Variants in TACR1 observed in about 807,000 individuals in gnomAD.
TACR1 encodes tachykinin receptor 1.
TACR1 carries 25 observed loss-of-function variants against 35.8 expected under a neutral mutation model. The ratio of observed to expected loss-of-function variants is 0.70; its 90% CI spans 0.51 to 0.98. The LOEUF is 0.98. Among genes scored for constraint, TACR1 ranks in the 50% least tolerant of loss-of-function variants. The pLI, the probability that TACR1 is intolerant of heterozygous loss-of-function variation, is 0.00. For missense variants in TACR1, 478 were observed against 522.9 expected, an observed-to-expected ratio of 0.91 and a Z score of 0.84; for synonymous variants, 195 against 206.7, an observed-to-expected ratio of 0.94 and a Z score of 0.48.
At chr2:75,145,622 G>C (rs920706186) in intron 1 of TACR1, among the ~76,000 whole-genome samples, 5 of 152,188 alleles carry the variant, frequency 3.3e-5, no homozygotes, top group Admixed American at 3.3e-4. Flanking sequence ...ATGGTCATGA[G>C]AGTATATAAT....
intron 1 of TACR1, among the ~76,000 whole-genome samples, chr2:75,136,060 G>A (rs741418): frequency 0.61 from 92,101 of 152,122 alleles, 29,225 homozygotes; most frequent in African/African-American, 0.78. Context: ...TTGCACAGGC[G>A]GAGAAAAGCA....
intron 2 of TACR1, among the ~76,000 whole-genome samples, chr2:75,075,844 G>C (rs779613169): frequency 3.9e-5 from 6 of 152,146 alleles, no homozygotes; most frequent in Non-Finnish European, 8.8e-5. Context: ...GACAAATGAC[G>C]TTAAAGCAAA....
rs1673518744 is a variant in TACR1, at chr2:75,100,672, T to C, written c.584+19902A>G. 2.0e-5 allele frequency among the ~76,000 whole-genome samples: 3 copies of C among 152,230 alleles called. No homozygotes were observed. In the South Asian group the frequency reaches 6.2e-4, roughly 32 times the overall value. On this transcript the variant is annotated intron_variant, in intron 2 of 4. Coordinates refer to ENST00000305249, the MANE Select transcript of TACR1 (RefSeq NM_001058.4). ...TTAAGGTGACGAGTGTGATAGGTCATTGTTTTATCTATAGCATAGTACGTA... is the reference window on the plus strand; with the variant it reads ...TTAAGGTGACGAGTGTGATAGGTCACTGTTTTATCTATAGCATAGTACGTA...
In TACR1 at chr2:75,184,670, T is replaced by C. The variant is rs369007956; in HGVS notation, c.389+13876A>G. The stretch of plus-strand genomic sequence containing the variant: ...TTAGAAAAAAAACCAAGGGGAAATA[T>C]TGTATTTTCATTAGCAACCAAAAAA... On this transcript the variant is annotated intron_variant, in intron 1 of 4. Transcript: ENST00000305249. Among the ~76,000 whole-genome samples, 3 of 151,540 alleles carry C rather than the reference T, an allele frequency of 2.0e-5. 1 individual carries two copies. The highest frequency in any genetic ancestry group is 4.2e-4 in the South Asian group (2 of 4,818).
chr2:75,154,208 T>C (rs1348913806), intron 1 of TACR1, among the ~76,000 whole-genome samples: 1 of 152,062 alleles, frequency 6.6e-6, no homozygotes, highest in Non-Finnish European at 1.5e-5. Flanking sequence ...CTCAGGGTCA[T>C]GCTGTTGCTG....
intron 1 of TACR1, among the ~76,000 whole-genome samples, chr2:75,124,408 G>T (rs1248024420): frequency 6.6e-6 from 1 of 152,154 alleles, no homozygotes; most frequent in Non-Finnish European, 1.5e-5. Context: ...GTCCAGTGGG[G>T]CCCTTCTTCC....
At chr2:75,154,450 A>ACACACT (rs1362786009) in intron 1 of TACR1, 11 of 89,126 alleles carry the variant, frequency 1.2e-4, no homozygotes, top group African/African-American at 3.9e-4. Context: ...ACACACACAC[A>ACACACT]CTCTGAAGAA....
chr2:75,120,700 A>T lies in TACR1; in HGVS notation c.458T>A (p.Val153Asp), dbSNP rs779632430. The change falls in exon 2 of 5, where the codon GTC becomes GAC. Residue 153 changes from valine (V) to aspartate (D), a missense_variant. By Grantham distance (152) the Val-to-Asp change is radical. Transcript: ENST00000305249. ...CAGCAGGAGAGCCAGGACCCAGATGACACAGATGACCACTTTGGTGGCTGT... is the reference window on the plus strand; with the variant it reads ...CAGCAGGAGAGCCAGGACCCAGATGTCACAGATGACCACTTTGGTGGCTGT... ...SATATKVVIC[V>D]IWVLALLLAF... is the part of the protein sequence containing the mutation. 1.2e-6 allele frequency: 2 copies of T among 1,614,052 alleles called. No homozygotes were observed. The highest frequency in any genetic ancestry group is 2.2e-5 in the East Asian group (1 of 44,878).
chr2:75,071,255 A>G (rs554821140), intron 2 of TACR1, among the ~76,000 whole-genome samples: 2 of 152,354 alleles, frequency 1.3e-5, no homozygotes, highest in South Asian at 4.1e-4. Flanking sequence ...GAAGGGGCTG[A>G]ATTACAATCA....
chr2:75,190,671 G>T (rs1482646508), intron 1 of TACR1, among the ~76,000 whole-genome samples: 1 of 152,100 alleles, frequency 6.6e-6, no homozygotes, highest in Non-Finnish European at 1.5e-5. Context: ...CTTCTACAAG[G>T]TAAGTTTCAT....
chr2:75,059,413 T>C (rs1027885030), intron 2 of TACR1, among the ~76,000 whole-genome samples: 12 of 152,300 alleles, frequency 7.9e-5, no homozygotes, highest in Middle Eastern at 6.8e-3. Context: ...TTGGTCTTGG[T>C]TGCACATTGG....
At chr2:75,057,032 T>C (rs776746172) in intron 2 of TACR1, among the ~76,000 whole-genome samples, 3 of 152,212 alleles carry the variant, frequency 2.0e-5, no homozygotes, top group Non-Finnish European at 4.4e-5. Flanking sequence ...AATAGATGAA[T>C]GGACAAACAA....
At chr2:75,176,410 C>T (rs558622400) in intron 1 of TACR1, among the ~76,000 whole-genome samples, 13 of 151,802 alleles carry the variant, frequency 8.6e-5, no homozygotes, top group Admixed American at 2.6e-4. Flanking sequence ...GTCTTCTCCA[C>T]GCCAACACTA....
In TACR1 at chr2:75,104,807, G is replaced by C; in HGVS notation, c.584+15767C>G. Among the ~76,000 whole-genome samples the C allele has an allele frequency of 2.0e-5, 3 of 152,118 alleles. 1 individual carries two copies. The highest frequency in any genetic ancestry group is 2.0e-4 in the Admixed American group (3 of 15,280). ...AAATGCTCAGCAGCACTAATCATCA[G>C]GGAAATACAAGTTAAAACCACAATG... On this transcript the variant is annotated intron_variant, in intron 2 of 4. Coordinates refer to ENST00000305249, the MANE Select transcript of TACR1 (RefSeq NM_001058.4).
At chr2:75,104,984 T>C (rs1488884840) in intron 2 of TACR1, among the ~76,000 whole-genome samples, 4 of 152,022 alleles carry the variant, frequency 2.6e-5, no homozygotes, top group African/African-American at 7.2e-5. Flanking sequence ...CGGAAGTTCC[T>C]AAAAAAATTA....
At chr2:75,170,803 G>T (rs1250804595) in intron 1 of TACR1, among the ~76,000 whole-genome samples, 2 of 152,192 alleles carry the variant, frequency 1.3e-5, no homozygotes, top group Admixed American at 6.5e-5. Flanking sequence ...ACTTGAGAGA[G>T]ATGATTTAGG....
intron 1 of TACR1, among the ~76,000 whole-genome samples, chr2:75,141,544 T>C (rs1019687136): frequency 6.8e-6 from 1 of 147,516 alleles, no homozygotes; most frequent in Non-Finnish European, 1.5e-5. Flanking sequence ...AAAAAAAAAC[T>C]CAAAGCTTTG....
intron 2 of TACR1, among the ~76,000 whole-genome samples, chr2:75,102,612 A>G (rs1171844914): frequency 1.3e-5 from 2 of 152,204 alleles, no homozygotes; most frequent in East Asian, 3.8e-4. Context: ...TCCACAAAAG[A>G]AGATATCACT....
At chr2:75,159,864 CTATT>C (rs1674960269) in intron 1 of TACR1, among the ~76,000 whole-genome samples, 1 of 152,116 alleles carries the variant, frequency 6.6e-6, no homozygotes, top group African/African-American at 2.4e-5. Context: ...CCTGGAGAAA[CTATT>C]TACCGAGCAT....
Sources: allele counts gnomAD v4.1 joint callset (sites outside exome capture counted in the v4.1 genomes callset), GRCh38; gene constraint gnomAD v4.1.1; transcripts MANE v1.5; gene names NCBI Gene and HGNC (gene_info 2026-07-23, HGNC 2026-07-21).